Variants in MIDEAS observed in about 807,000 individuals in gnomAD.
The protein encoded by MIDEAS is mitotic deacetylase associated SANT domain protein.
Under a neutral mutation model 102.7 loss-of-function variants are expected in MIDEAS, and 26 were observed. The observed-to-expected ratio is 0.25, with a 90% CI of 0.19 to 0.35. The LOEUF (loss-of-function observed/expected upper bound fraction) is 0.35. MIDEAS is among the 10% of genes least tolerant of loss of function. The pLI, the probability that MIDEAS is intolerant of heterozygous loss-of-function variation, is 1.00. For missense variants in MIDEAS, 1,231 were observed against 1,435.6 expected (o/e 0.86, Z 2.30); for synonymous variants, 585 against 591.0 (o/e 0.99, Z 0.15).
At chr14:73,733,102 A>G (rs2053160344) in intron 3 of MIDEAS, among the ~76,000 whole-genome samples, 1 of 152,084 alleles carries the variant, frequency 6.6e-6, no homozygotes, top group Non-Finnish European at 1.5e-5. Context: ...CAAAAAAAAA[A>G]GAAAATAAAA....
chr14:73,770,578 T>G (rs998073575), intron 1 of MIDEAS, among the ~76,000 whole-genome samples: 1 of 152,086 alleles, frequency 6.6e-6, no homozygotes, highest in African/African-American at 2.4e-5. Flanking sequence ...CTAGAGAGCT[T>G]TGAAACACCT....
At chr14:73,760,634 ACT>A (rs996261917), upstream of MIDEAS, among the ~76,000 whole-genome samples, 6 of 151,536 alleles carry the variant, frequency 4.0e-5, no homozygotes, top group East Asian at 1.9e-4. This position sits in a 1 kb window ranked among gnomAD's most constrained non-coding sequence, Gnocchi z 4.8. Context: ...CCACAAAGAA[ACT>A]CTCTCTGGTT....
chr14:73,784,301 CTG>C (rs2053785905), intron 1 of MIDEAS, among the ~76,000 whole-genome samples: 1 of 152,238 alleles, frequency 6.6e-6, no homozygotes, highest in Admixed American at 6.5e-5. Flanking sequence ...GATTCTGTCT[CTG>C]TGTAACAACT....
intron 1 of MIDEAS, among the ~76,000 whole-genome samples, chr14:73,776,812 C>T (rs2053692810): frequency 6.6e-6 from 1 of 151,968 alleles, no homozygotes; most frequent in Admixed American, 6.6e-5. Context: ...CAGGCTCACG[C>T]CTGTAACCCC....
chr14:73,731,970 A>C (rs977276528), intron 3 of MIDEAS, among the ~76,000 whole-genome samples: 1 of 152,274 alleles, frequency 6.6e-6, no homozygotes, highest in South Asian at 2.1e-4. Context: ...AAGTACTCAC[A>C]GGCAGGGATT....
At chr14:73,736,415 A>C (rs111241271) in intron 3 of MIDEAS, among the ~76,000 whole-genome samples, 32,542 of 151,828 alleles carry the variant, frequency 0.21, 3,664 homozygotes, top group South Asian at 0.28. Flanking sequence ...GCGGATCACG[A>C]GGTCAGGAGA....
At position 73,739,513 on chromosome 14, in the gene MIDEAS, T is replaced by C; in HGVS notation, c.496A>G (p.Lys166Glu). 6.2e-7 allele frequency: 1 copy of C among 1,613,936 alleles called. No homozygotes were observed. Residue 166 changes from lysine to glutamate, a missense_variant, in exon 2 of 13, where the codon AAG becomes GAG. Physicochemically the swap from Lys to Glu is moderately conservative, Grantham distance 56. Coordinates refer to ENST00000423556, the MANE Select transcript of MIDEAS (RefSeq NM_001367710.1). Reference sequence around the variant, plus strand: ...TGTGGGCCCCCCGCTTTCTCCCGCTTCAGTGCCTCAGGGTGGTTATAGTAA... The same window carrying C: ...TGTGGGCCCCCCGCTTTCTCCCGCTCCAGTGCCTCAGGGTGGTTATAGTAA... ...PTYYNHPEAL[K>E]REKAGGPQLD... is the part of the protein sequence containing the mutation.
At chr14:73,750,974 C>T (rs2053412009) in intron 1 of MIDEAS, among the ~76,000 whole-genome samples, 3 of 152,218 alleles carry the variant, frequency 2.0e-5, no homozygotes, top group Admixed American at 2.0e-4. Flanking sequence ...AAGCACACTA[C>T]ACACATTATC....
intron 1 of MIDEAS, among the ~76,000 whole-genome samples, chr14:73,749,360 CGTGTCTCTACAAAAAA>C (rs2053393286): frequency 8.2e-6 from 1 of 122,224 alleles, no homozygotes; most frequent in South Asian, 2.7e-4. Flanking sequence ...AAAACGAGAC[CGTGTCTCTACAAAAAA>C]AAAAAAAAAA....
intron 3 of MIDEAS, among the ~76,000 whole-genome samples, chr14:73,735,878 C>T (rs73297474): frequency 0.062 from 9,499 of 152,232 alleles, 1,012 homozygotes; most frequent in African/African-American, 0.22. Flanking sequence ...AAGAATTGGC[C>T]GGGTGCGGTG....
intron 1 of MIDEAS, among the ~76,000 whole-genome samples, chr14:73,772,164 G>A (rs138259332): frequency 0.015 from 2,322 of 152,318 alleles, 20 homozygotes; most frequent in Middle Eastern, 0.024. Context: ...ATGCAGTGCC[G>A]GTAGCTGATA....
intron 1 of MIDEAS, among the ~76,000 whole-genome samples, chr14:73,758,073 C>G (rs1255734434): frequency 2.0e-5 from 3 of 152,074 alleles, no homozygotes; most frequent in Admixed American, 6.5e-5. Flanking sequence ...CTTGTCCCCC[C>G]GGGAGCTACA....
rs112847673 is a variant in MIDEAS, at chr14:73,723,208, G to A, written c.2575-361C>T. 2.3e-3 allele frequency: 373 copies of A among 159,550 alleles called. 1 individual carries two copies. The highest frequency in any genetic ancestry group is 7.8e-3 in the African/African-American group (325 of 41,570). 9.9% of individuals were successfully genotyped at this position (159,550 alleles called of 1,614,324 possible). The stretch of plus-strand genomic sequence containing the variant: ...CACTCAGGCTGGAGTGCAGTGACGC[G>A]ATTTTGGCTCACTGCAACCTCCGCC... On this transcript the variant is annotated intron_variant, in intron 9 of 12. Coordinates refer to ENST00000423556, the MANE Select transcript of MIDEAS (RefSeq NM_001367710.1).
At chr14:73,760,831 A>C (rs564567499), upstream of MIDEAS, among the ~76,000 whole-genome samples, 6 of 152,354 alleles carry the variant, frequency 3.9e-5, no homozygotes, top group East Asian at 1.2e-3. The surrounding 1 kb of genome is among the most constrained non-coding windows in gnomAD (Gnocchi z 4.8). Flanking sequence ...ATTTAAATCT[A>C]GCAACTCAGG....
chr14:73,761,690 CG>C (rs1486652552), upstream of MIDEAS, among the ~76,000 whole-genome samples: 2 of 152,140 alleles, frequency 1.3e-5, no homozygotes, highest in Non-Finnish European at 1.5e-5. Context: ...AAAAAAAGCC[CG>C]GGCTCCCCGA....
chr14:73,767,090 A>AG (rs2053598628), intron 1 of MIDEAS, among the ~76,000 whole-genome samples: 1 of 149,796 alleles, frequency 6.7e-6, no homozygotes, highest in Non-Finnish European at 1.5e-5. Context: ...CCTGACCTCA[A>AG]GTGATCCGCT....
At chr14:73,768,398 A>T (rs1566607188) in intron 1 of MIDEAS, among the ~76,000 whole-genome samples, 1 of 152,016 alleles carries the variant, frequency 6.6e-6, no homozygotes, top group African/African-American at 2.4e-5. Context: ...TCCCAATAAG[A>T]AGTTTAATAA....
chr14:73,782,555 T>C (rs528017485), intron 1 of MIDEAS, among the ~76,000 whole-genome samples: 1 of 152,262 alleles, frequency 6.6e-6, no homozygotes, highest in African/African-American at 2.4e-5. Flanking sequence ...GTCTTGAACT[T>C]CTAGGCTCAA....
At chr14:73,736,637 A>AAAAAAATGTCTGTCTCAG (rs1451651478) in intron 3 of MIDEAS, among the ~76,000 whole-genome samples, 1 of 150,990 alleles carries the variant, frequency 6.6e-6, no homozygotes, top group African/African-American at 2.4e-5. Flanking sequence ...CCTCAGAAAA[A>AAAAAAATGTCTGTCTCAG]AAAAAAAAGA....
Sources: gnomAD v4.1 joint callset for allele counts (sites outside exome capture counted in the v4.1 genomes callset) on GRCh38, gnomAD v4.1.1 for gene constraint, Gnocchi (gnomAD v3.1) non-coding constraint, MANE v1.5 for transcripts, NCBI Gene and HGNC (gene_info 2026-07-23, HGNC 2026-07-21) for gene names.